Variants in SEPTIN1 observed in about 807,000 individuals in gnomAD.
SEPTIN1 encodes the protein septin-1.
Under a neutral mutation model 50.7 loss-of-function variants are expected in SEPTIN1, and 52 were observed. The ratio of observed to expected loss-of-function variants is 1.03; its 90% CI spans 0.82 to 1.29. The LOEUF is 1.29. Among genes scored for constraint, SEPTIN1 ranks in the 50% most tolerant of loss-of-function variants. The pLI is 0.00. For missense variants in SEPTIN1, 455 were observed against 490.7 expected (o/e 0.93, Z 0.69); for synonymous variants, 204 against 189.1 (o/e 1.08, Z -0.65).
rs2049810972 is a variant in SEPTIN1, at chr16:30,379,539, A to AGGGCAGG, written c.676-12_676-6dup. 1.9e-6 allele frequency: 3 copies of AGGGCAGG among 1,591,702 alleles called. No individual in the cohort carries two copies. The highest frequency in any genetic ancestry group is 2.7e-5 in the African/African-American group (2 of 73,590). On this transcript the variant is annotated splice_region_variant and splice_polypyrimidine_tract_variant and intron_variant, in intron 7 of 10. Transcript: ENST00000321367. ...GACTGCAAAAGGGATGCTTTCCTGG[A>AGGGCAGG]GGGCAGGGGGCAGGGGTTCACCATT...
At chr16:30,379,640 C>CCTTTTTT (rs2049813595) in intron 7 of SEPTIN1, 106 bp from the exon 8 acceptor site, 1 of 198,758 alleles carries the variant, frequency 5.0e-6, no homozygotes, top group African/African-American at 3.9e-5. Context: ...GCCCCTTCCT[C>CCTTTTTT]TTTTTTTTTT....
At position 30,382,336 on chromosome 16, in the gene SEPTIN1, G is replaced by A; in HGVS notation, c.48C>T (p.Leu16=). 1 of 1,613,680 alleles carries A rather than the reference G, an allele frequency of 6.2e-7. No individual in the cohort carries two copies. The highest frequency in any genetic ancestry group is 8.5e-7 in the Non-Finnish European group (1 of 1,179,732). ...MDKEYVGFAA[L]PNQLHRKSVK... ...CAGACTTGCGGTGCAGCTGGTTGGG[G>A]AGGGCAGCAAAACCCACGTACTCCT... Residue 16 remains leucine (L), a synonymous_variant, in exon 2 of 11, where the codon CTC becomes CTT. Transcript: ENST00000321367. This position sits in a 1 kb window ranked among gnomAD's most constrained non-coding sequence, Gnocchi z 4.8.
rs758109698 is a variant in SEPTIN1 at position 30,381,930 on chromosome 16, GAATTAATTTCCTTTGTCA to G, written c.197-65_197-48del. The G allele has an allele frequency of 1.9e-6, 3 of 1,611,108 alleles. No homozygotes were observed. Among genetic ancestry groups the G allele is most frequent in the Non-Finnish European group, 2.5e-6 (3 of 1,178,650 alleles). On this transcript the variant is annotated intron_variant, in intron 3 of 10. Transcript: ENST00000321367. This position sits in a 1 kb window ranked among gnomAD's most constrained non-coding sequence, Gnocchi z 4.3. ...AGGGATCCGGGGAGGCTCTGAGGCAGAATTAATTTCCTTTGTCAATATCACAGTTGCCTGCACCCATTT... is the reference window on the plus strand; with the variant it reads ...AGGGATCCGGGGAGGCTCTGAGGCAGATATCACAGTTGCCTGCACCCATTT...
chr16:30,379,310 GA>G, intron 8 of SEPTIN1, 124 bp downstream of exon 8: 2 of 1,441,400 alleles, frequency 1.4e-6, no homozygotes, highest in Non-Finnish European at 1.9e-6. Flanking sequence ...GCAGCCCAGC[GA>G]CCCCCCTTTC....
At chr16:30,378,993 T>C (rs12447833) in intron 9 of SEPTIN1, 25 bp downstream of exon 9, 1,097,166 of 1,604,972 alleles carry the variant, frequency 0.68, 379,857 homozygotes, top group African/African-American at 0.9. Context: ...TTGGAGGCTC[T>C]GATACTGTCC....
chr16:30,382,263 A>G lies in SEPTIN1; in HGVS notation c.109+12T>C. 1 of 1,613,514 alleles carries G rather than the reference A, an allele frequency of 6.2e-7. No individual in the cohort carries two copies. Among genetic ancestry groups the G allele is most frequent in the Non-Finnish European group, 8.5e-7 (1 of 1,179,576 alleles). ...CATCCCCTCCGCAGTTCCCTCTCCA[A>G]AACCCCCAGACCTGCCACCATTAGC... On this transcript the variant is annotated intron_variant, in intron 2 of 10. Transcript: ENST00000321367. This position sits in a 1 kb window ranked among gnomAD's most constrained non-coding sequence, Gnocchi z 4.8.
In SEPTIN1 at chr16:30,381,115, C is replaced by T. The variant is rs373253313; in HGVS notation, c.573+12G>A. On this transcript the variant is annotated intron_variant, in intron 6 of 10. Coordinates refer to ENST00000321367, the MANE Select transcript of SEPTIN1 (RefSeq NM_001365977.2). This position sits in a 1 kb window ranked among gnomAD's most constrained non-coding sequence, Gnocchi z 4.3. ...TCACATGGGGTCAAAGGTCAGAGGTCATCACTCACACCTTCTGCTTGAGGG... is the reference window on the plus strand; with the variant it reads ...TCACATGGGGTCAAAGGTCAGAGGTTATCACTCACACCTTCTGCTTGAGGG... The T allele has an allele frequency of 1.1e-5, 18 of 1,594,578 alleles. No homozygotes were observed. In the African/African-American group the frequency reaches 1.9e-4, roughly 17 times the overall value.
In SEPTIN1 at chr16:30,381,215, C is replaced by G; in HGVS notation, c.485G>C (p.Arg162Pro). 5 of 1,613,958 alleles carry G rather than the reference C, an allele frequency of 3.1e-6. No individual in the cohort carries two copies. The highest frequency in any genetic ancestry group is 2.2e-5 in the East Asian group (1 of 44,882). Residue 162 changes from arginine (R) to proline (P), a missense_variant, in exon 6 of 11, where the codon CGG becomes CCG. Physicochemically the swap from Arg to Pro is moderately radical, Grantham distance 103. Transcript: ENST00000321367. This position sits in a 1 kb window ranked among gnomAD's most constrained non-coding sequence, Gnocchi z 4.3. ...GLRPLDVAFL[R>P]AVHEKVNIIP... is the part of the protein sequence containing the mutation. ...GATGTTGACTTTCTCGTGTACTGCC[C>G]GGAGGAAGGCCACATCTAGGGGCCG...
rs2049864231 is a variant in SEPTIN1 at position 30,382,469 on chromosome 16, C to A, written c.18+56G>T. 2 of 1,587,278 alleles carry A rather than the reference C, an allele frequency of 1.3e-6. No individual in the cohort carries two copies. Among genetic ancestry groups the A allele is most frequent in the African/African-American group, 1.3e-5 (1 of 74,412 alleles). On this transcript the variant is annotated intron_variant, in intron 1 of 10. Coordinates refer to ENST00000321367, the MANE Select transcript of SEPTIN1 (RefSeq NM_001365977.2). The surrounding 1 kb of genome is among the most constrained non-coding windows in gnomAD (Gnocchi z 4.8). Reference sequence around the variant, plus strand: ...GGAAGAGTCAGTGGGGTCTGGGGACCCCAGGCATGGGGGCTGGGGGCCGAG... The same window carrying A: ...GGAAGAGTCAGTGGGGTCTGGGGACACCAGGCATGGGGGCTGGGGGCCGAG...
rs373663746 is a variant in SEPTIN1 at position 30,382,185 on chromosome 16, G to A, written c.110-6C>T. 2 of 1,611,844 alleles carry A rather than the reference G, an allele frequency of 1.2e-6. No homozygotes were observed. The highest frequency in any genetic ancestry group is 2.7e-5 in the African/African-American group (2 of 74,822). ...TTTCCCTAGGCCTGACTCCCCTGTG[G>A]ACAGAACAGGCCCAACTGGTCAGGG... On this transcript the variant is annotated splice_polypyrimidine_tract_variant and splice_region_variant and intron_variant, in intron 2 of 10. Coordinates refer to ENST00000321367, the MANE Select transcript of SEPTIN1 (RefSeq NM_001365977.2). The surrounding 1 kb of genome is among the most constrained non-coding windows in gnomAD (Gnocchi z 4.8).
chr16:30,381,909 A>G lies in SEPTIN1; in HGVS notation c.197-26T>C, dbSNP rs2049854938. ...CTGTGGGATGGGGGAGAGGTCAGGGATCCGGGGAGGCTCTGAGGCAGAATT... is the reference window on the plus strand; with the variant it reads ...CTGTGGGATGGGGGAGAGGTCAGGGGTCCGGGGAGGCTCTGAGGCAGAATT... On this transcript the variant is annotated intron_variant, in intron 3 of 10. Coordinates refer to ENST00000321367, the MANE Select transcript of SEPTIN1 (RefSeq NM_001365977.2). The surrounding 1 kb of genome is among the most constrained non-coding windows in gnomAD (Gnocchi z 4.3). The G allele has an allele frequency of 1.2e-6, 2 of 1,613,676 alleles. No homozygotes were observed. The highest frequency in any genetic ancestry group is 1.7e-6 in the Non-Finnish European group (2 of 1,179,810).
At chr16:30,380,147 A>C in intron 6 of SEPTIN1, 114 bp from the exon 7 acceptor site, 1 of 787,602 alleles carries the variant, frequency 1.3e-6, no homozygotes, top group Non-Finnish European at 1.9e-6. Context: ...AGAGAAAGAC[A>C]TGAAAGACAG....
Position 30,382,377 on chromosome 16 carries a change from G to A in SEPTIN1, c.19-12C>T, listed in dbSNP as rs1227333253. The A allele has an allele frequency of 1.9e-6, 3 of 1,603,564 alleles. No individual in the cohort carries two copies. The highest frequency in any genetic ancestry group is 2.6e-6 in the Non-Finnish European group (3 of 1,173,220). ...ACGTACTCCTTGTCCTATGGATGGG[G>A]GTGGACAATATGAGGCTGCTGGCAA... is the stretch of plus-strand genomic sequence containing the variant. On this transcript the variant is annotated splice_polypyrimidine_tract_variant and intron_variant, in intron 1 of 10. Coordinates refer to ENST00000321367, the MANE Select transcript of SEPTIN1 (RefSeq NM_001365977.2). The surrounding 1 kb of genome is among the most constrained non-coding windows in gnomAD (Gnocchi z 4.8).
At position 30,378,140 on chromosome 16, in the gene SEPTIN1, G is replaced by A; in HGVS notation, c.*294C>T. 6 of 720,330 alleles carry A rather than the reference G, an allele frequency of 8.3e-6. No individual in the cohort carries two copies. In the East Asian group the frequency reaches 1.1e-4, roughly 13 times the overall value. The allele number at this position is 720,330 out of a possible 1,614,324, so 44.6% of individuals were successfully genotyped here. A position where few individuals can be genotyped will look rare whatever the true frequency, so the allele number is the denominator to read the frequency against. ...AAGGAAGGAGAAGGCTCGCGTGGCC[G>A]CGGGAAGCTCAGTTTTTATTGAAGA... On this transcript the variant is annotated 3_prime_UTR_variant, in exon 11 of 11. Transcript: ENST00000321367.
Position 30,381,338 on chromosome 16 carries a change from C to T in SEPTIN1, c.455+1G>A. 1 of 1,612,300 alleles carries T rather than the reference C, an allele frequency of 6.2e-7. No individual in the cohort carries two copies. The highest frequency in any genetic ancestry group is 8.5e-7 in the Non-Finnish European group (1 of 1,179,000). ...CAGCCCCCAGGATCCCCCCACCAGA[C>T]CCCCGGCCGAAGGGTGAGATGAAGT... is the stretch of plus-strand genomic sequence containing the variant. On this transcript the variant is annotated splice_donor_variant, in intron 5 of 10. Transcript: ENST00000321367. LOFTEE classifies it high-confidence loss of function. This position sits in a 1 kb window ranked among gnomAD's most constrained non-coding sequence, Gnocchi z 4.3.
chr16:30,382,322 T>C lies in SEPTIN1; in HGVS notation c.62A>G (p.His21Arg). ...VGFAALPNQL[H>R]RKSVKKGFDF... Reference sequence around the variant, plus strand: ...AAACCCCTTCTTGACAGACTTGCGGTGCAGCTGGTTGGGGAGGGCAGCAAA... The same window carrying C: ...AAACCCCTTCTTGACAGACTTGCGGCGCAGCTGGTTGGGGAGGGCAGCAAA... Residue 21 changes from histidine (H) to arginine (R), a missense_variant, in exon 2 of 11, where the codon CAC becomes CGC. Physicochemically the swap from His to Arg is conservative, Grantham distance 29. Coordinates refer to ENST00000321367, the MANE Select transcript of SEPTIN1 (RefSeq NM_001365977.2). This position sits in a 1 kb window ranked among gnomAD's most constrained non-coding sequence, Gnocchi z 4.8. 2 of 1,613,834 alleles carry C rather than the reference T, an allele frequency of 1.2e-6. No individual in the cohort carries two copies. The highest frequency in any genetic ancestry group is 8.5e-7 in the Non-Finnish European group (1 of 1,179,842).
At position 30,381,385 on chromosome 16, in the gene SEPTIN1, A is replaced by C. The variant is rs2151111445; in HGVS notation, c.409T>G (p.Ser137Ala). The change falls in exon 5 of 11, where the codon TCC (serine) becomes GCC (alanine). Residue 137 changes from serine (S) to alanine (A), a missense_variant. Transcript: ENST00000321367. This position sits in a 1 kb window ranked among gnomAD's most constrained non-coding sequence, Gnocchi z 4.3. ...SGLNRKNIQD[S>A]RVHCCLYFIS... The stretch of plus-strand genomic sequence containing the variant: ...AAGTAGAGGCAGCAGTGGACTCGGG[A>C]GTCCTGGATGTTCTTCCGGTTCAGG... The C allele has an allele frequency of 6.2e-7, 1 of 1,612,514 alleles. No individual in the cohort carries two copies. Among genetic ancestry groups the C allele is most frequent in the African/African-American group, 1.3e-5 (1 of 74,390 alleles).
At chr16:30,380,787 A>G (rs1266227028) in intron 6 of SEPTIN1, 2 of 305,568 alleles carry the variant, frequency 6.5e-6, no homozygotes, top group Non-Finnish European at 1.2e-5. Flanking sequence ...AAAGAGAGAG[A>G]AAGAGAGGCC....
In SEPTIN1 at chr16:30,382,471, C is replaced by T. The variant is rs2049864272; in HGVS notation, c.18+54G>A. On this transcript the variant is annotated intron_variant, in intron 1 of 10. Transcript: ENST00000321367. The surrounding 1 kb of genome is among the most constrained non-coding windows in gnomAD (Gnocchi z 4.8). The stretch of plus-strand genomic sequence containing the variant: ...AAGAGTCAGTGGGGTCTGGGGACCC[C>T]AGGCATGGGGGCTGGGGGCCGAGAT... 1.3e-6 allele frequency: 2 copies of T among 1,589,052 alleles called. No homozygotes were observed. The highest frequency in any genetic ancestry group is 1.7e-6 in the Non-Finnish European group (2 of 1,162,858).
Sources: allele counts gnomAD v4.1 joint callset, GRCh38; gene constraint gnomAD v4.1.1; non-coding constraint Gnocchi (gnomAD v3.1); transcripts MANE v1.5; gene names NCBI Gene and HGNC (gene_info 2026-07-23, HGNC 2026-07-21).